Variants in PCDHGB3 observed in about 807,000 individuals in gnomAD.
PCDHGB3 encodes the protein protocadherin gamma-B3.
A neutral mutation model predicts 59.2 loss-of-function variants in PCDHGB3; 40 were observed. That is an observed-to-expected ratio of 0.68 (90% CI 0.52 to 0.88). The LOEUF (loss-of-function observed/expected upper bound fraction) is 0.88, where lower values mean the gene tolerates loss of function less well. Ranked by LOEUF, PCDHGB3 falls within the 40% of genes least tolerant of loss-of-function variation. The probability of loss-of-function intolerance (pLI) is 0.00; values close to 1 mark genes in which losing one functional copy is unlikely to be tolerated. For missense variants in PCDHGB3, 1,309 were observed against 1,187.9 expected (o/e 1.10, Z -1.50); for synonymous variants, 581 against 503.6 (o/e 1.15, Z -2.06).
At chr5:141,413,820 C>T in intron 1 of PCDHGB3, 1 of 1,613,204 alleles carries the variant, frequency 6.2e-7, no homozygotes, top group Non-Finnish European at 8.5e-7. Flanking sequence ...ACCACCTGGT[C>T]CTCACCGCCT....
At chr5:141,509,887 T>C (rs138950510) in intron 3 of PCDHGB3, among the ~76,000 whole-genome samples, 1 of 152,314 alleles carries the variant, frequency 6.6e-6, no homozygotes, top group East Asian at 1.9e-4. Flanking sequence ...TGATGGTGAC[T>C]GACTGTCCCT....
intron 1 of PCDHGB3, among the ~76,000 whole-genome samples, chr5:141,452,300 T>C (rs886540131): frequency 2.0e-5 from 3 of 152,194 alleles, no homozygotes; most frequent in African/African-American, 7.2e-5. Flanking sequence ...TAAGAAAATA[T>C]TAGAGACTCA....
At position 141,490,502 on chromosome 5, in the gene PCDHGB3, T is replaced by C. The variant is rs1408615048; in HGVS notation, c.2416-4305T>C. On this transcript the variant is annotated intron_variant, in intron 1 of 3. Transcript: ENST00000576222. The surrounding 1 kb of genome is among the most constrained non-coding windows in gnomAD (Gnocchi z 5.4). Reference sequence around the variant, plus strand: ...GACCGGGAGGCCACATCCCACTATATCATCGAGCTGCTGGCCAGCGATGCT... The same window carrying C: ...GACCGGGAGGCCACATCCCACTATACCATCGAGCTGCTGGCCAGCGATGCT... 1.2e-6 allele frequency: 2 copies of C among 1,614,094 alleles called. No individual in the cohort carries two copies. The highest frequency in any genetic ancestry group is 1.1e-5 in the South Asian group (1 of 91,076).
At chr5:141,464,056 G>C (rs2154568334) in intron 1 of PCDHGB3, among the ~76,000 whole-genome samples, 1 of 152,210 alleles carries the variant, frequency 6.6e-6, no homozygotes, top group East Asian at 1.9e-4. Context: ...CCTGAGGTCA[G>C]GAGTTCAAGG....
At position 141,394,528 on chromosome 5, in the gene PCDHGB3, C is replaced by T. The variant is rs1465272752; in HGVS notation, c.2415+21719C>T. Reference sequence around the variant, plus strand: ...TACCCCGCCCTCCCCACAGACGGTTCCACTGGCGTGGAGCTGGCGCCCCGC... The same window carrying T: ...TACCCCGCCCTCCCCACAGACGGTTTCACTGGCGTGGAGCTGGCGCCCCGC... On this transcript the variant is annotated intron_variant, in intron 1 of 3. Transcript: ENST00000576222. 3 of 1,614,096 alleles carry T rather than the reference C, an allele frequency of 1.9e-6. No individual in the cohort carries two copies. The highest frequency in any genetic ancestry group is 2.5e-6 in the Non-Finnish European group (3 of 1,180,058).
Position 141,453,270 on chromosome 5 carries a change from T to C in PCDHGB3, c.2416-41537T>C, listed in dbSNP as rs1592250907. 4.6e-5 allele frequency among the ~76,000 whole-genome samples: 7 copies of C among 152,146 alleles called. No homozygotes were observed. In the South Asian group the frequency reaches 1.5e-3, roughly 32 times the overall value. On this transcript the variant is annotated intron_variant, in intron 1 of 3. Transcript: ENST00000576222. The stretch of plus-strand genomic sequence containing the variant: ...CTGGGGCTGCAAGTGCACACCACCA[T>C]GACTGGCTAATTTTTTAATTATTTA...
chr5:141,453,465 A>G (rs1167340749), intron 1 of PCDHGB3, among the ~76,000 whole-genome samples: 2 of 152,098 alleles, frequency 1.3e-5, no homozygotes, highest in African/African-American at 4.8e-5. Flanking sequence ...AAACATTAAC[A>G]TAAAGTCAAA....
chr5:141,393,744 G>T (rs770821376), intron 1 of PCDHGB3: 3 of 1,613,868 alleles, frequency 1.9e-6, no homozygotes, highest in South Asian at 2.2e-5. Context: ...AGATTATGAA[G>T]AATGTTCATT....
intron 1 of PCDHGB3, chr5:141,478,305 C>T (rs775282798): frequency 2.5e-6 from 4 of 1,614,092 alleles, no homozygotes; most frequent in East Asian, 2.2e-5. Flanking sequence ...TACCGAGCCC[C>T]GGTGAGCTCA....
rs775037681 is a variant in PCDHGB3 at position 141,388,812 on chromosome 5, G to T, written c.2415+16003G>T. On this transcript the variant is annotated intron_variant, in intron 1 of 3. Transcript: ENST00000576222. Reference sequence around the variant, plus strand: ...TTTAAATACATTAGATTTTGAAGAAGTCAAAGAATATTCCATAGTTTTGGA... The same window carrying T: ...TTTAAATACATTAGATTTTGAAGAATTCAAAGAATATTCCATAGTTTTGGA... 2.1e-5 allele frequency: 34 copies of T among 1,613,816 alleles called. No homozygotes were observed. Among genetic ancestry groups the T allele is most frequent in the Non-Finnish European group, 2.8e-5 (33 of 1,179,866 alleles).
At chr5:141,455,270 A>T (rs2098818132) in intron 1 of PCDHGB3, among the ~76,000 whole-genome samples, 1 of 151,958 alleles carries the variant, frequency 6.6e-6, no homozygotes, top group South Asian at 2.1e-4. Context: ...CTTCCCATTG[A>T]TTATTAACAT....
At chr5:141,448,150 C>T (rs1182411283) in intron 1 of PCDHGB3, among the ~76,000 whole-genome samples, 4 of 151,924 alleles carry the variant, frequency 2.6e-5, no homozygotes, top group Non-Finnish European at 5.9e-5. Flanking sequence ...CTCAGACTCA[C>T]CCCTGAAAGA....
chr5:141,454,493 A>G (rs1328573277), intron 1 of PCDHGB3, among the ~76,000 whole-genome samples: 1 of 151,866 alleles, frequency 6.6e-6, no homozygotes, highest in Non-Finnish European at 1.5e-5. Context: ...CGCAACCTCC[A>G]CCTCCTGGAT....
In PCDHGB3 at chr5:141,432,716, C is replaced by G. The variant is rs1417017747; in HGVS notation, c.2415+59907C>G. ...GGCCGTCCAGGACCACGGCCAGCCC[C>G]CTCTCTCCGCCACTGTCACGCTCAC... On this transcript the variant is annotated intron_variant, in intron 1 of 3. Coordinates refer to ENST00000576222, the MANE Select transcript of PCDHGB3 (RefSeq NM_018924.5). This position sits in a 1 kb window ranked among gnomAD's most constrained non-coding sequence, Gnocchi z 6.0. 5.6e-6 allele frequency: 9 copies of G among 1,613,912 alleles called. No individual in the cohort carries two copies. Among genetic ancestry groups the G allele is most frequent in the Non-Finnish European group, 7.6e-6 (9 of 1,179,990 alleles).
At chr5:141,480,715 G>A (rs906358826) in intron 1 of PCDHGB3, among the ~76,000 whole-genome samples, 1 of 152,124 alleles carries the variant, frequency 6.6e-6, no homozygotes, top group African/African-American at 2.4e-5. Flanking sequence ...ACAAATGAAA[G>A]CACAGTCTCT....
chr5:141,415,210 C>G lies in PCDHGB3; in HGVS notation c.2415+42401C>G, dbSNP rs2095843973. The G allele has an allele frequency of 2.5e-6, 4 of 1,614,068 alleles. No individual in the cohort carries two copies. The highest frequency in any genetic ancestry group is 1.6e-4 in the Middle Eastern group (1 of 6,062). ...CAGCATCCCCCAAGTCCTGGCGGAC[C>G]TCGGCAGCTTCGAGTCTCCAGCTAA... is the stretch of plus-strand genomic sequence containing the variant. On this transcript the variant is annotated intron_variant, in intron 1 of 3. Coordinates refer to ENST00000576222, the MANE Select transcript of PCDHGB3 (RefSeq NM_018924.5).
At chr5:141,419,640 T>C (rs2096410171) in intron 1 of PCDHGB3, 2 of 1,612,532 alleles carry the variant, frequency 1.2e-6, no homozygotes. Context: ...GTGGTGGCCG[T>C]GGACGCGGAC....
At chr5:141,382,720 T>G in intron 1 of PCDHGB3, 1 of 480,114 alleles carries the variant, frequency 2.1e-6, no homozygotes, top group Non-Finnish European at 3.5e-6. Flanking sequence ...AACCACCGAG[T>G]TTTACAGCAC....
At chr5:141,458,359 A>C (rs2098943826) in intron 1 of PCDHGB3, among the ~76,000 whole-genome samples, 1 of 152,142 alleles carries the variant, frequency 6.6e-6, no homozygotes, top group Non-Finnish European at 1.5e-5. Context: ...AATAAGCAAG[A>C]AGGAAGGGAG....
Sources: allele counts gnomAD v4.1 joint callset (sites outside exome capture counted in the v4.1 genomes callset), GRCh38; gene constraint gnomAD v4.1.1; non-coding constraint Gnocchi (gnomAD v3.1); transcripts MANE v1.5; gene names NCBI Gene and HGNC (gene_info 2026-07-23, HGNC 2026-07-21).